RPS6KA2: variants seen among roughly 807,000 people sequenced by gnomAD.
RPS6KA2 encodes the protein ribosomal protein S6 kinase A2.
Under a neutral mutation model 91.8 loss-of-function variants are expected in RPS6KA2, and 42 were observed. The ratio of observed to expected loss-of-function variants is 0.46; its 90% CI spans 0.36 to 0.59. RPS6KA2 has a LOEUF of 0.59. RPS6KA2 is among the 20% of genes least tolerant of loss of function. The pLI, the probability that RPS6KA2 is intolerant of heterozygous loss-of-function variation, is 0.00. For synonymous variants in RPS6KA2, 414 were observed against 393.6 expected (o/e 1.05, Z -0.61); for missense variants, 798 against 978.5 (o/e 0.82, Z 2.46).
In RPS6KA2 at chr6:166,732,470, G is replaced by C. The variant is rs1790557144; in HGVS notation, c.123+125730C>G. 6.6e-6 allele frequency among the ~76,000 whole-genome samples: 1 copy of C among 152,172 alleles called. No homozygotes were observed. Among genetic ancestry groups the C allele is most frequent in the Admixed American group, 6.5e-5 (1 of 15,284 alleles). On this transcript the variant is annotated intron_variant, in intron 2 of 21. Transcript: ENST00000503859. This position sits in a 1 kb window ranked among gnomAD's most constrained non-coding sequence, Gnocchi z 4.0. ...ACCTGGAGGGATGTGACTTCCATCA[G>C]GCTACAAACATCCTGGGACAGTGAA...
At chr6:166,535,745 T>G (rs1783456942) in intron 2 of RPS6KA2, among the ~76,000 whole-genome samples, 1 of 152,234 alleles carries the variant, frequency 6.6e-6, no homozygotes, top group South Asian at 2.1e-4. Flanking sequence ...CTTTCCTGAT[T>G]CAAGCTTTAA....
At chr6:166,653,217 T>A (rs759098350) in intron 2 of RPS6KA2, among the ~76,000 whole-genome samples, 1 of 152,210 alleles carries the variant, frequency 6.6e-6, no homozygotes, top group African/African-American at 2.4e-5. Flanking sequence ...TGTGCCACCA[T>A]GCCCGACTAA....
At chr6:166,458,834 T>A (rs1780184273) in intron 12 of RPS6KA2, among the ~76,000 whole-genome samples, 1 of 152,202 alleles carries the variant, frequency 6.6e-6, no homozygotes, top group African/African-American at 2.4e-5. Flanking sequence ...GATAGCCCTA[T>A]CAGACCAGGA....
At position 166,643,063 on chromosome 6, in the gene RPS6KA2, G is replaced by T. The variant is rs138223203; in HGVS notation, c.124-104279C>A. Among the ~76,000 whole-genome samples, 117 of 152,354 alleles carry T rather than the reference G, an allele frequency of 7.7e-4. 1 individual carries two copies. Among genetic ancestry groups the T allele is most frequent in the African/African-American group, 2.7e-3 (114 of 41,578 alleles). On this transcript the variant is annotated intron_variant, in intron 2 of 21. Transcript: ENST00000503859. ...CCCATAGGATGTGGGGGGCAAAGGA[G>T]TCCTATGCAAATATGATACTCATGC...
chr6:166,422,713 G>A (rs1778766944), intron 17 of RPS6KA2, among the ~76,000 whole-genome samples: 1 of 152,216 alleles, frequency 6.6e-6, no homozygotes, highest in Non-Finnish European at 1.5e-5. Context: ...GGGGCTGGGA[G>A]CAGACACAGA....
intron 2 of RPS6KA2, among the ~76,000 whole-genome samples, chr6:166,836,444 T>C (rs954509373): frequency 1.0e-5 from 1 of 98,746 alleles, no homozygotes; most frequent in Non-Finnish European, 2.7e-5. Context: ...AGTGAGTAAA[T>C]ATACATGTTA....
intron 2 of RPS6KA2, among the ~76,000 whole-genome samples, chr6:166,728,530 G>T (rs996942219): frequency 1.3e-5 from 2 of 152,144 alleles, no homozygotes; most frequent in Non-Finnish European, 2.9e-5. Flanking sequence ...CAGTGCCCAG[G>T]GAAAGAGTGG....
At chr6:166,725,037 T>C (rs549035522) in intron 2 of RPS6KA2, among the ~76,000 whole-genome samples, 16 of 152,192 alleles carry the variant, frequency 1.1e-4, no homozygotes, top group Non-Finnish European at 2.4e-4. Flanking sequence ...TCTTCCACTG[T>C]TCTAGCTTTT....
chr6:166,561,561 G>C (rs190742222), intron 1 of RPS6KA2, among the ~76,000 whole-genome samples: 2 of 151,920 alleles, frequency 1.3e-5, no homozygotes, highest in Middle Eastern at 3.4e-3. Flanking sequence ...TTGACTCTGT[G>C]GGGGGAGTCC....
intron 2 of RPS6KA2, among the ~76,000 whole-genome samples, chr6:166,729,734 G>A (rs891603893): frequency 2.0e-5 from 3 of 152,162 alleles, no homozygotes; most frequent in South Asian, 2.1e-4. Context: ...TGTCTGGATC[G>A]TTCAATGCAA....
At chr6:166,731,920 T>G (rs181355976) in intron 2 of RPS6KA2, among the ~76,000 whole-genome samples, 2 of 152,158 alleles carry the variant, frequency 1.3e-5, no homozygotes, top group East Asian at 3.9e-4. Context: ...AAAACTAACT[T>G]TAATTATTTA....
intron 1 of RPS6KA2, among the ~76,000 whole-genome samples, chr6:166,567,978 C>T (rs1426660166): frequency 1.3e-5 from 2 of 152,160 alleles, no homozygotes; most frequent in Non-Finnish European, 2.9e-5. Flanking sequence ...GCAGCCTCTG[C>T]GCCTGGCAGC....
At chr6:166,655,521 C>T (rs1232426662) in intron 2 of RPS6KA2, among the ~76,000 whole-genome samples, 6 of 152,236 alleles carry the variant, frequency 3.9e-5, no homozygotes, top group Non-Finnish European at 7.3e-5. Flanking sequence ...GATTCTGCCA[C>T]AGCCTGGGCT....
intron 11 of RPS6KA2, among the ~76,000 whole-genome samples, chr6:166,461,418 C>A (rs1484559632): frequency 2.0e-5 from 3 of 151,706 alleles, no homozygotes; most frequent in African/African-American, 7.3e-5. Context: ...CCAGAGAGTC[C>A]TGAGAGCCGG....
At chr6:166,772,851 T>G (rs1287576379) in intron 2 of RPS6KA2, among the ~76,000 whole-genome samples, 1 of 152,210 alleles carries the variant, frequency 6.6e-6, no homozygotes, top group African/African-American at 2.4e-5. Context: ...CTTTCCCTTC[T>G]CACTTCCTGG....
In RPS6KA2 at chr6:166,510,300, G is replaced by A. The variant is rs1782416462; in HGVS notation, c.356C>T (p.Pro119Leu). Residue 119 changes from proline (P) to leucine (L), a missense_variant, in exon 4 of 21, where the codon CCC becomes CTC. Coordinates refer to ENST00000265678, the MANE Select transcript of RPS6KA2 (RefSeq NM_021135.6). ...ERDILAEVNH[P>L]FIVKLHYAFQ... Reference sequence around the variant, plus strand: ...ACCATAATGAAGCTTCACAATGAAGGGGTGATTCACTTCTGCCAAGATGTC... The same window carrying A: ...ACCATAATGAAGCTTCACAATGAAGAGGTGATTCACTTCTGCCAAGATGTC... 2 of 1,603,070 alleles carry A rather than the reference G, an allele frequency of 1.2e-6. No homozygotes were observed. Among genetic ancestry groups the A allele is most frequent in the Admixed American group, 1.7e-5 (1 of 59,260 alleles).
At chr6:166,745,244 T>C (rs896173404) in intron 2 of RPS6KA2, among the ~76,000 whole-genome samples, 19 of 149,742 alleles carry the variant, frequency 1.3e-4, no homozygotes, top group African/African-American at 4.4e-4. Context: ...CTCTGCCTCC[T>C]GGGTTCAAGC....
At position 166,417,415 on chromosome 6, in the gene RPS6KA2, G is replaced by C. The variant is rs116747331; in HGVS notation, c.1938+810C>G. Among the ~76,000 whole-genome samples the C allele has an allele frequency of 9.1e-3, 1,386 of 152,294 alleles. 30 individuals are homozygous for C. The highest frequency in any genetic ancestry group is 0.032 in the African/African-American group (1,316 of 41,562). ...CAGTTACCCTGCACAATGTGGGTCA[G>C]CCTCATCCAATCAGTGGAAGGCCTC... On this transcript the variant is annotated intron_variant, in intron 19 of 20. Coordinates refer to ENST00000265678, the MANE Select transcript of RPS6KA2 (RefSeq NM_021135.6).
chr6:166,573,101 G>C (rs573306224), intron 1 of RPS6KA2, among the ~76,000 whole-genome samples: 2 of 152,352 alleles, frequency 1.3e-5, no homozygotes, highest in South Asian at 4.1e-4. Flanking sequence ...TGACAGGAGG[G>C]ATGGCCCGGT....
Sources: allele counts gnomAD v4.1 joint callset (sites outside exome capture counted in the v4.1 genomes callset), GRCh38; gene constraint gnomAD v4.1.1; non-coding constraint Gnocchi (gnomAD v3.1); transcripts MANE v1.5; gene names NCBI Gene and HGNC (gene_info 2026-07-23, HGNC 2026-07-21).